Variants in SORCS3 observed in about 807,000 individuals in gnomAD.
SORCS3 encodes sortilin related VPS10 domain containing receptor 3.
A neutral mutation model predicts 146.3 loss-of-function variants in SORCS3; 57 were observed. The observed-to-expected ratio is 0.39, with a 90% CI of 0.31 to 0.49. The LOEUF (loss-of-function observed/expected upper bound fraction) is 0.49, where lower values mean the gene tolerates loss of function less well. SORCS3 is among the 20% of genes least tolerant of loss of function. The pLI is 0.92. For synonymous variants in SORCS3, 653 were observed against 618.5 expected, an observed-to-expected ratio of 1.06 and a Z score of -0.83; for missense variants, 1,341 against 1,575.5, an observed-to-expected ratio of 0.85 and a Z score of 2.52.
chr10:104,713,967 T>C (rs1160766168), intron 1 of SORCS3, among the ~76,000 whole-genome samples: 1 of 152,196 alleles, frequency 6.6e-6, no homozygotes, highest in African/African-American at 2.4e-5. Context: ...TATTTCTCCT[T>C]GTGTGAGTTA....
intron 3 of SORCS3, among the ~76,000 whole-genome samples, chr10:104,943,950 G>A (rs879690395): frequency 6.6e-6 from 1 of 152,026 alleles, no homozygotes; most frequent in Non-Finnish European, 1.5e-5. Context: ...ATGGGGTCTT[G>A]CTCTGTTGCC....
intron 2 of SORCS3, among the ~76,000 whole-genome samples, chr10:104,858,910 C>G (rs1456932403): frequency 6.1e-5 from 9 of 146,406 alleles, no homozygotes; most frequent in African/African-American, 2.3e-4. Flanking sequence ...TGTGAGCCAC[C>G]GCACCTGGCC....
At chr10:104,887,971 G>GTGGGGC (rs1554857309) in intron 2 of SORCS3, among the ~76,000 whole-genome samples, 2 of 83,034 alleles carry the variant, frequency 2.4e-5, no homozygotes, top group African/African-American at 1.1e-4. Flanking sequence ...GGGGGGCGGG[G>GTGGGGC]GCGGAGCAAG....
chr10:105,148,243 G>A (rs1459519986), intron 9 of SORCS3, among the ~76,000 whole-genome samples: 3 of 152,022 alleles, frequency 2.0e-5, no homozygotes, highest in Non-Finnish European at 4.4e-5. Context: ...AAATAAAAGC[G>A]AATATCAGTG....
At chr10:105,107,356 T>C (rs1201115477) in intron 7 of SORCS3, among the ~76,000 whole-genome samples, 2 of 151,884 alleles carry the variant, frequency 1.3e-5, no homozygotes, top group East Asian at 3.9e-4. Context: ...GAGTGAGTTA[T>C]GAATTTACCA....
chr10:104,808,073 A>G (rs1039654830), intron 1 of SORCS3, among the ~76,000 whole-genome samples: 5 of 152,218 alleles, frequency 3.3e-5, no homozygotes, highest in East Asian at 1.9e-4. Context: ...TGGCGGGAAG[A>G]CAGGCACTTG....
intron 5 of SORCS3, among the ~76,000 whole-genome samples, chr10:105,048,788 C>A (rs371830023): frequency 5.9e-5 from 9 of 152,158 alleles, no homozygotes; most frequent in Middle Eastern, 3.4e-3. Flanking sequence ...TTTTCCAAGT[C>A]TCTTTTTGTA....
intron 3 of SORCS3, among the ~76,000 whole-genome samples, chr10:104,975,446 G>A (rs1003084103): frequency 6.6e-6 from 1 of 151,872 alleles, no homozygotes; most frequent in African/African-American, 2.4e-5. Flanking sequence ...CCATGCTCAT[G>A]GGTAGGAAGA....
At chr10:104,925,390 GGCAAACATGATATAAGGAATAT>G (rs1260010156) in intron 3 of SORCS3, among the ~76,000 whole-genome samples, 1 of 152,098 alleles carries the variant, frequency 6.6e-6, no homozygotes, top group African/African-American at 2.4e-5. Context: ...TTTTGTCCAA[GGCAAACATGATATAAGGAATAT>G]GCACTACCAG....
At chr10:104,658,779 G>A (rs2133245800) in intron 1 of SORCS3, among the ~76,000 whole-genome samples, 1 of 152,158 alleles carries the variant, frequency 6.6e-6, no homozygotes, top group East Asian at 1.9e-4. Flanking sequence ...ACCTGAGTGG[G>A]CTCATGCTGC....
chr10:105,233,537 C>A (rs941286181), intron 20 of SORCS3, among the ~76,000 whole-genome samples: 5 of 152,066 alleles, frequency 3.3e-5, no homozygotes, highest in African/African-American at 1.2e-4. Flanking sequence ...GGTACTTCTC[C>A]TAATGCTATT....
At chr10:105,236,935 T>TCA (rs1564791927) in intron 20 of SORCS3, among the ~76,000 whole-genome samples, 12 of 152,012 alleles carry the variant, frequency 7.9e-5, no homozygotes, top group African/African-American at 2.9e-4. Context: ...GCAATCAATC[T>TCA]ATCTATCTAT....
intron 1 of SORCS3, among the ~76,000 whole-genome samples, chr10:104,763,889 T>G (rs1381931340): frequency 6.6e-6 from 1 of 152,138 alleles, no homozygotes; most frequent in Non-Finnish European, 1.5e-5. Flanking sequence ...CCTGCATTCA[T>G]TCTCTCTCCT....
intron 2 of SORCS3, among the ~76,000 whole-genome samples, chr10:104,901,399 C>A (rs1034464534): frequency 5.3e-5 from 8 of 152,180 alleles, no homozygotes; most frequent in Non-Finnish European, 1.0e-4. Flanking sequence ...CTTAACCACT[C>A]TGGTAATATA....
intron 3 of SORCS3, among the ~76,000 whole-genome samples, chr10:104,929,799 G>C (rs1235262443): frequency 6.6e-6 from 1 of 152,222 alleles, no homozygotes; most frequent in East Asian, 1.9e-4. Context: ...AGAATCTCTG[G>C]ATGGCATGAC....
intron 2 of SORCS3, among the ~76,000 whole-genome samples, chr10:104,874,620 G>C (rs1355282352): frequency 6.6e-6 from 1 of 152,112 alleles, no homozygotes; most frequent in Non-Finnish European, 1.5e-5. Flanking sequence ...ATGTAATTGG[G>C]ATGGGTAGAA....
chr10:105,227,273 T>G (rs950737790), intron 20 of SORCS3, among the ~76,000 whole-genome samples: 3 of 152,052 alleles, frequency 2.0e-5, no homozygotes, highest in Non-Finnish European at 4.4e-5. Flanking sequence ...GTTTCAAAAT[T>G]TTTAAAATTT....
intron 4 of SORCS3, among the ~76,000 whole-genome samples, chr10:104,983,438 A>G (rs2054943222): frequency 6.6e-6 from 1 of 152,166 alleles, no homozygotes. Context: ...TACGGCATGT[A>G]TATGCTTTAA....
At chr10:104,989,132 A>T (rs186945140) in intron 4 of SORCS3, among the ~76,000 whole-genome samples, 1 of 152,260 alleles carries the variant, frequency 6.6e-6, no homozygotes, top group Non-Finnish European at 1.5e-5. Flanking sequence ...TCATTGCCGT[A>T]TAATATATCA....
Sources: allele counts gnomAD v4.1 joint callset (sites outside exome capture counted in the v4.1 genomes callset), GRCh38; gene constraint gnomAD v4.1.1; transcripts MANE v1.5; gene names NCBI Gene and HGNC (gene_info 2026-07-23, HGNC 2026-07-21).